KLHL23: variants seen among roughly 807,000 people sequenced by gnomAD.
The protein encoded by KLHL23 is kelch like family member 23.
A neutral mutation model predicts 48.9 loss-of-function variants in KLHL23; 33 were observed. That is an observed-to-expected ratio of 0.67 (90% CI 0.51 to 0.90). The LOEUF (loss-of-function observed/expected upper bound fraction) is 0.90. Among genes scored for constraint, KLHL23 ranks in the 40% least tolerant of loss-of-function variants. The pLI is 0.00. For synonymous variants in KLHL23, 234 were observed against 231.6 expected (o/e 1.01, Z -0.09); for missense variants, 608 against 669.6 (o/e 0.91, Z 1.02).
chr2:169,739,353 GC>G (rs1688619164), intron 2 of KLHL23, among the ~76,000 whole-genome samples: 3 of 151,906 alleles, frequency 2.0e-5, no homozygotes. Context: ...TTAAAATCTG[GC>G]TGAATTAAAT....
chr2:169,741,320 C>T lies in KLHL23; in HGVS notation c.1214-65C>T, dbSNP rs112937332. ...ATAACAAAAACAACAATAAATTTAGCCCAGGGTTCACTGCAAAAAAGAACA... is the reference window on the plus strand; with the variant it reads ...ATAACAAAAACAACAATAAATTTAGTCCAGGGTTCACTGCAAAAAAGAACA... On this transcript the variant is annotated intron_variant, in intron 2 of 3. Coordinates refer to ENST00000392647, the MANE Select transcript of KLHL23 (RefSeq NM_144711.6). The T allele has an allele frequency of 4.7e-4, 726 of 1,540,526 alleles. 2 individuals are homozygous for T. The African/African-American group carries it at 8.1e-3, about 17-fold the overall frequency.
intron 2 of KLHL23, among the ~76,000 whole-genome samples, chr2:169,738,470 TTTTGTAGCC>T (rs1452699754): frequency 6.6e-6 from 1 of 152,150 alleles, no homozygotes; most frequent in Non-Finnish European, 1.5e-5. Context: ...ATTCGTTTTA[TTTTGTAGCC>T]TTGAAGTGAA....
rs1688898689 is a variant in KLHL23, at chr2:169,749,838, G to A, written c.*106G>A. The A allele has an allele frequency of 1.5e-6, 2 of 1,360,196 alleles. No homozygotes were observed. The highest frequency in any genetic ancestry group is 2.4e-5 in the Admixed American group (1 of 41,434). The allele number at this position is 1,360,196 out of a possible 1,614,324, so 84.3% of individuals were successfully genotyped here. A position where few individuals can be genotyped will look rare whatever the true frequency, so the allele number is the denominator to read the frequency against. ...TACCTGATAATTGTGTCTGGCACAT[G>A]ATAGGGGATCAGTAAATTGTAATTC... On this transcript the variant is annotated 3_prime_UTR_variant, in exon 4 of 4. Transcript: ENST00000392647.
At chr2:169,740,872 A>C (rs377418116) in intron 2 of KLHL23, 1 of 151,246 alleles carries the variant, frequency 6.6e-6, no homozygotes, top group Non-Finnish European at 1.5e-5. Flanking sequence ...GCTGAGGCCT[A>C]TACAGGGTCA....
Position 169,750,916 on chromosome 2 carries a change from A to G in KLHL23, c.*1184A>G, listed in dbSNP as rs1310873325. On this transcript the variant is annotated 3_prime_UTR_variant, in exon 4 of 4. Coordinates refer to ENST00000392647, the MANE Select transcript of KLHL23 (RefSeq NM_144711.6). The stretch of plus-strand genomic sequence containing the variant: ...TGAATTTTAGAGCCAGAAAGCATGT[A>G]GAGCAGTTGTGATTAGTAGAAAATA... 6.6e-6 allele frequency: 1 copy of G among 152,254 alleles called. No homozygotes were observed. Among genetic ancestry groups the G allele is most frequent in the Non-Finnish European group, 1.5e-5 (1 of 68,044 alleles). 9.4% of individuals were successfully genotyped at this position (152,254 alleles called of 1,614,324 possible).
intron 2 of KLHL23, among the ~76,000 whole-genome samples, chr2:169,740,677 T>C (rs1217144816): frequency 6.7e-6 from 1 of 150,282 alleles, no homozygotes; most frequent in African/African-American, 2.4e-5. Flanking sequence ...CTCAATCTCC[T>C]GACCTCGTGA....
chr2:169,751,031 G>A lies in KLHL23; in HGVS notation c.*1299G>A, dbSNP rs1348876690. On this transcript the variant is annotated 3_prime_UTR_variant, in exon 4 of 4. Transcript: ENST00000392647. ...GTCATTTAACCTCTCCTTGATTAGA[G>A]CTTCCTGAGCCATGCACACTGGCAC... The A allele has an allele frequency of 1.3e-5, 2 of 152,154 alleles. No homozygotes were observed. The highest frequency in any genetic ancestry group is 2.4e-5 in the African/African-American group (1 of 41,430). 9.4% of individuals were successfully genotyped at this position (152,154 alleles called of 1,614,324 possible). A position where few individuals can be genotyped will look rare whatever the true frequency, so the allele number is the denominator to read the frequency against.
chr2:169,740,766 T>TATA (rs1553477017), intron 2 of KLHL23, among the ~76,000 whole-genome samples: 1 of 125,516 alleles, frequency 8.0e-6, no homozygotes, highest in Non-Finnish European at 1.7e-5. Context: ...CTTTTTTATA[T>TATA]TATATATATA....
chr2:169,738,808 CT>C (rs1688577439), intron 2 of KLHL23, among the ~76,000 whole-genome samples: 1 of 144,446 alleles, frequency 6.9e-6, no homozygotes, highest in Non-Finnish European at 1.5e-5. Context: ...CTTTCTTCAT[CT>C]TCCCTCCAAA....
At chr2:169,740,766 TTATATATA>T (rs55779546) in intron 2 of KLHL23, among the ~76,000 whole-genome samples, 3 of 125,516 alleles carry the variant, frequency 2.4e-5, no homozygotes, top group Non-Finnish European at 3.3e-5. Flanking sequence ...CTTTTTTATA[TTATATATA>T]TATATATATA....
At chr2:169,738,632 C>CT (rs1362097019) in intron 2 of KLHL23, among the ~76,000 whole-genome samples, 1 of 151,866 alleles carries the variant, frequency 6.6e-6, no homozygotes, top group Non-Finnish European at 1.5e-5. Context: ...ACTCCTGAAT[C>CT]TTTATTTTTT....
At chr2:169,741,792 T>C (rs1688681424) in intron 3 of KLHL23, among the ~76,000 whole-genome samples, 1 of 152,228 alleles carries the variant, frequency 6.6e-6, no homozygotes, top group Non-Finnish European at 1.5e-5. Flanking sequence ...GTCAAAAATA[T>C]TAGCGTCTTT....
intron 3 of KLHL23, among the ~76,000 whole-genome samples, chr2:169,744,561 A>G (rs1688749627): frequency 7.4e-6 from 1 of 134,448 alleles, no homozygotes. Context: ...CAGTCTGGGT[A>G]ATTTTTTTTT....
In KLHL23 at chr2:169,735,468, C is replaced by T. The variant is rs770459471; in HGVS notation, c.454C>T (p.Pro152Ser). 9.3e-6 allele frequency: 15 copies of T among 1,613,966 alleles called. No homozygotes were observed. Among genetic ancestry groups the T allele is most frequent in the Non-Finnish European group, 1.2e-5 (14 of 1,180,020 alleles). The change falls in exon 2 of 4, where the codon CCA (proline) becomes TCA (serine). Residue 152 changes from proline (P) to serine (S), a missense_variant. This residue lies in a region of KLHL23 where 419 missense variants were observed against 473.1 expected (regional missense o/e 0.89). Coordinates refer to ENST00000392647, the MANE Select transcript of KLHL23 (RefSeq NM_144711.6). This position sits in a 1 kb window ranked among gnomAD's most constrained non-coding sequence, Gnocchi z 4.5. ...MHSFAEFHVCPELEKESRRIL... is the reference protein window; with the variant it reads ...MHSFAEFHVCSELEKESRRIL... ...CTCCTTTGCAGAATTTCATGTGTGT[C>T]CAGAACTAGAGAAGGAATCTCGAAG... is the stretch of plus-strand genomic sequence containing the variant.
intron 3 of KLHL23, among the ~76,000 whole-genome samples, chr2:169,748,497 C>T (rs761795890): frequency 1.4e-4 from 22 of 152,042 alleles, no homozygotes; most frequent in Non-Finnish European, 2.2e-4. Context: ...ACGATAAAAG[C>T]GGGTGTGTGG....
In KLHL23 at chr2:169,751,233, C is replaced by T. The variant is rs1394072474; in HGVS notation, c.*1501C>T. The T allele has an allele frequency of 6.6e-6, 1 of 152,200 alleles. No individual in the cohort carries two copies. Among genetic ancestry groups the T allele is most frequent in the African/African-American group, 2.4e-5 (1 of 41,450 alleles). 9.4% of individuals were successfully genotyped at this position (152,200 alleles called of 1,614,324 possible). On this transcript the variant is annotated 3_prime_UTR_variant, in exon 4 of 4. Transcript: ENST00000392647. ...GGAATAGTTGGGATGTGTTGCTTAACTCCTTTACACCATTAGTTATCTGTG... is the reference window on the plus strand; with the variant it reads ...GGAATAGTTGGGATGTGTTGCTTAATTCCTTTACACCATTAGTTATCTGTG...
Position 169,735,445 on chromosome 2 carries a change from C to G in KLHL23, c.431C>G (p.Ser144Cys), listed in dbSNP as rs1184617765. 5.0e-6 allele frequency: 8 copies of G among 1,613,868 alleles called. No homozygotes were observed. The highest frequency in any genetic ancestry group is 5.9e-6 in the Non-Finnish European group (7 of 1,180,032). Residue 144 changes from serine to cysteine, a missense_variant, in exon 2 of 4, where the codon TCC becomes TGC. Around this residue, in one of 3 missense-constraint regions of KLHL23, gnomAD observed 419 missense variants for 473.1 expected, o/e 0.89. Transcript: ENST00000392647. The surrounding 1 kb of genome is among the most constrained non-coding windows in gnomAD (Gnocchi z 4.5). Reference protein sequence around the residue: ...LDIDNCIGMHSFAEFHVCPEL... With the variant: ...LDIDNCIGMHCFAEFHVCPEL... ...ATTGATAATTGTATTGGAATGCACT[C>G]CTTTGCAGAATTTCATGTGTGTCCA... is the stretch of plus-strand genomic sequence containing the variant.
Position 169,735,313 on chromosome 2 carries a change from T to C in KLHL23, c.299T>C (p.Ile100Thr). ...GTAAATTATGCATACACTTCCCAAA[T>C]TGAAATAACTAAAAGAAATGTTCAA... Reference protein sequence around the residue: ...GLVNYAYTSQIEITKRNVQSL... With the variant: ...GLVNYAYTSQTEITKRNVQSL... The change falls in exon 2 of 4, where the codon ATT (isoleucine) becomes ACT (threonine). Residue 100 changes from isoleucine (I) to threonine (T), a missense_variant. Ile to Thr is a moderately conservative substitution (Grantham distance 89, BLOSUM62 -1). Transcript: ENST00000392647. The surrounding 1 kb of genome is among the most constrained non-coding windows in gnomAD (Gnocchi z 4.5). 2 of 1,613,612 alleles carry C rather than the reference T, an allele frequency of 1.2e-6. No individual in the cohort carries two copies. The highest frequency in any genetic ancestry group is 2.2e-5 in the East Asian group (1 of 44,874).
At chr2:169,740,052 T>C (rs1014335658) in intron 2 of KLHL23, among the ~76,000 whole-genome samples, 10 of 152,192 alleles carry the variant, frequency 6.6e-5, no homozygotes, top group African/African-American at 2.4e-4. Context: ...TTGTTCTGGT[T>C]GAGTCGGTGA....
Sources: gnomAD v4.1 joint callset for allele counts (sites outside exome capture counted in the v4.1 genomes callset) on GRCh38, gnomAD v4.1.1 for gene constraint, gnomAD v4.1.1 regional missense constraint, Gnocchi (gnomAD v3.1) non-coding constraint, MANE v1.5 for transcripts, NCBI Gene and HGNC (gene_info 2026-07-23, HGNC 2026-07-21) for gene names.